The following TTC3 variants were observed in gnomAD, a reference collection of about 807,000 sequenced individuals.
TTC3 encodes tetratricopeptide repeat domain 3.
Under a neutral mutation model 249.6 loss-of-function variants are expected in TTC3, and 180 were observed. That is an observed-to-expected ratio of 0.72 (90% CI 0.64 to 0.82). TTC3 has a LOEUF of 0.82. Ranked by LOEUF, TTC3 falls within the 40% of genes least tolerant of loss-of-function variation. TTC3 has a pLI of 0.00. For synonymous variants in TTC3, 717 were observed against 805.0 expected (o/e 0.89, Z 1.85); for missense variants, 2,061 against 2,398.4 (o/e 0.86, Z 2.94).
chr21:37,147,476 TTTAGATGCTGTTAGAGAAA>T lies in TTC3; in HGVS notation c.1894-2_1910del, dbSNP rs1416261097. On this transcript the variant is annotated splice_acceptor_variant and splice_polypyrimidine_tract_variant and coding_sequence_variant and intron_variant, in exon 22 of 46. Transcript: ENST00000355666. LOFTEE classifies it high-confidence loss of function. The stretch of plus-strand genomic sequence containing the variant: ...ATGGTATCATTTTTGTTTATTTTGT[TTTAGATGCTGTTAGAGAAA>T]TTTGTTGAAGAATGCAAGTTCCCTC... The T allele has an allele frequency of 1.2e-6, 2 of 1,601,950 alleles. No homozygotes were observed. Among genetic ancestry groups the T allele is most frequent in the South Asian group, 1.1e-5 (1 of 88,614 alleles).
chr21:37,102,047 T>A (rs1568919037), intron 10 of TTC3, among the ~76,000 whole-genome samples: 3 of 151,858 alleles, frequency 2.0e-5, no homozygotes, highest in African/African-American at 4.8e-5. Context: ...TCTTTTTACT[T>A]ATGTTTTACA....
At chr21:37,159,477 A>T (rs537434208) in intron 28 of TTC3, 1 of 543,904 alleles carries the variant, frequency 1.8e-6, no homozygotes, top group Non-Finnish European at 3.2e-6. Flanking sequence ...GGCACTCAAC[A>T]TTATGCTGAA....
chr21:37,123,395 A>T (rs769246338), intron 13 of TTC3, among the ~76,000 whole-genome samples: 1 of 152,166 alleles, frequency 6.6e-6, no homozygotes, highest in Non-Finnish European at 1.5e-5. Flanking sequence ...TCTTGGAAGT[A>T]TCTATGGCAA....
chr21:37,098,850 C>G (rs1053589290), intron 10 of TTC3: 1 of 152,084 alleles, frequency 6.6e-6, no homozygotes. Context: ...CTGAGAAAGA[C>G]TTTTATCTGA....
chr21:37,165,723 C>T (rs1209263677), exon 33 of TTC3: 3 of 1,613,452 alleles, frequency 1.9e-6, no homozygotes, highest in African/African-American at 2.7e-5. Flanking sequence ...AACTGTATTG[C>T]ACTGAAGAAG....
At chr21:37,135,421 A>G in exon 18 of TTC3, 1 of 1,613,850 alleles carries the variant, frequency 6.2e-7, no homozygotes, top group Non-Finnish European at 8.5e-7. Context: ...GCTTAATTCA[A>G]GATGGCTATA....
In TTC3 at chr21:37,126,150, A is replaced by G; in HGVS notation, c.1297+7A>G. The G allele has an allele frequency of 6.2e-7, 1 of 1,610,054 alleles. No homozygotes were observed. The highest frequency in any genetic ancestry group is 8.5e-7 in the Non-Finnish European group (1 of 1,178,714). ...GAATTTTCACCACCATCAAGTGAGTATTGTTTTTATATCAATTGTTGCCAA... is the reference window on the plus strand; with the variant it reads ...GAATTTTCACCACCATCAAGTGAGTGTTGTTTTTATATCAATTGTTGCCAA... On this transcript the variant is annotated splice_region_variant and intron_variant, in intron 15 of 45. Coordinates refer to ENST00000355666, the Ensembl canonical transcript of TTC3.
intron 27 of TTC3, among the ~76,000 whole-genome samples, chr21:37,155,317 G>C (rs563389624): frequency 3.9e-5 from 6 of 152,190 alleles, no homozygotes; most frequent in African/African-American, 1.4e-4. Flanking sequence ...GGGAGAGAGA[G>C]AAATAATAGA....
chr21:37,143,307 G>A (rs1463619979), intron 20 of TTC3, among the ~76,000 whole-genome samples: 2 of 152,002 alleles, frequency 1.3e-5, no homozygotes, highest in Non-Finnish European at 2.9e-5. Flanking sequence ...GAGTGAACAG[G>A]CAACCTACAG....
chr21:37,201,684 A>G lies in TTC3; in HGVS notation c.*110A>G, dbSNP rs1403796323. 7 of 1,383,050 alleles carry G rather than the reference A, an allele frequency of 5.1e-6. No individual in the cohort carries two copies. In the East Asian group the frequency reaches 1.4e-4, roughly 28 times the overall value. The allele number at this position is 1,383,050 out of a possible 1,614,324, so 85.7% of individuals were successfully genotyped here. A position where few individuals can be genotyped will look rare whatever the true frequency, so the allele number is the denominator to read the frequency against. ...TGAAGACCCTTGTGCATTGTGTGTC[A>G]CAAAGCTAAATACATGGAAATCGTT... On this transcript the variant is annotated 3_prime_UTR_variant, in exon 46 of 46. Transcript: ENST00000355666.
Position 37,115,906 on chromosome 21 carries a change from G to C in TTC3, c.901-5911G>C, listed in dbSNP as rs553352285. ...ACTCTTCTCAGTGAAACATTCCTTG[G>C]CCTCATTACTAAAATGCCAAACACC... On this transcript the variant is annotated intron_variant, in intron 11 of 45. Coordinates refer to ENST00000355666, the Ensembl canonical transcript of TTC3. Among the ~76,000 whole-genome samples the C allele has an allele frequency of 3.3e-5, 5 of 152,196 alleles. No individual in the cohort carries two copies. In the South Asian group the frequency reaches 1.0e-3, roughly 32 times the overall value.
rs1377000156 is a variant in TTC3, at chr21:37,152,072, T to C, written c.2413+43T>C. The C allele has an allele frequency of 4.0e-6, 6 of 1,498,886 alleles. No individual in the cohort carries two copies. The South Asian group carries it at 7.2e-5, about 18-fold the overall frequency. 92.8% of individuals were successfully genotyped at this position (1,498,886 alleles called of 1,614,324 possible). A position where few individuals can be genotyped will look rare whatever the true frequency, so the allele number is the denominator to read the frequency against. On this transcript the variant is annotated intron_variant, in intron 26 of 45. Transcript: ENST00000355666. The stretch of plus-strand genomic sequence containing the variant: ...GCATGATAAGAATAATATACTCTCA[T>C]TTAAATGTATAAATGTAAGCATCTT...
At chr21:37,102,719 A>G (rs34273703) in intron 10 of TTC3, among the ~76,000 whole-genome samples, 69,196 of 152,092 alleles carry the variant, frequency 0.45, 16,285 homozygotes, top group Non-Finnish European at 0.52. Context: ...GAGTAAGGCC[A>G]GGTGCAGTGG....
chr21:37,087,946 A>C, intron 3 of TTC3, 71 bp downstream of exon 3: 3 of 1,215,206 alleles, frequency 2.5e-6, no homozygotes, highest in Non-Finnish European at 3.6e-6. Flanking sequence ...ATCCTGTCAT[A>C]GCAATACAAC....
At chr21:37,087,526 A>C in intron 2 of TTC3, 125 bp downstream of exon 2, 1 of 1,225,816 alleles carries the variant, frequency 8.2e-7, no homozygotes, top group Non-Finnish European at 1.1e-6. Context: ...CATGCTGTTG[A>C]AAAGTTGATT....
At chr21:37,160,121 T>A (rs1253814589) in intron 29 of TTC3, among the ~76,000 whole-genome samples, 1 of 152,190 alleles carries the variant, frequency 6.6e-6, no homozygotes, top group Non-Finnish European at 1.5e-5. Context: ...TTGTTTTGAG[T>A]GGCTCTAAAT....
intron 5 of TTC3, among the ~76,000 whole-genome samples, chr21:37,089,477 T>C (rs1475794219): frequency 2.6e-5 from 4 of 152,088 alleles, no homozygotes; most frequent in Non-Finnish European, 5.9e-5. Flanking sequence ...TACAAACCAG[T>C]GTACCTTTAT....
intron 11 of TTC3, among the ~76,000 whole-genome samples, chr21:37,111,680 A>G (rs979408921): frequency 5.3e-5 from 8 of 152,212 alleles, no homozygotes; most frequent in Non-Finnish European, 8.8e-5. Flanking sequence ...AATTGAACTC[A>G]GCTCTGCACC....
intron 1 of TTC3, among the ~76,000 whole-genome samples, chr21:37,076,422 A>G (rs1031299770): frequency 2.0e-5 from 3 of 152,200 alleles, no homozygotes; most frequent in African/African-American, 7.2e-5. Context: ...TCTAATTTTC[A>G]CACTGGGGTA....
Sources: gnomAD v4.1 joint callset for allele counts (sites outside exome capture counted in the v4.1 genomes callset) on GRCh38, gnomAD v4.1.1 for gene constraint, MANE v1.5 for transcripts, NCBI Gene and HGNC (gene_info 2026-07-23, HGNC 2026-07-21) for gene names.